Variants in DAB1 observed in about 807,000 individuals in gnomAD.
DAB1 encodes the protein disabled homolog 1.
In DAB1, 15 loss-of-function variants were observed where a neutral mutation model predicts 64.6. The observed-to-expected ratio is 0.23, with a 90% CI of 0.16 to 0.36. The LOEUF is 0.36. Among genes scored for constraint, DAB1 ranks in the 10% least tolerant of loss-of-function variants. The pLI is 1.00. For missense variants in DAB1, 596 were observed against 706.7 expected (o/e 0.84, Z 1.78); for synonymous variants, 235 against 251.9 (o/e 0.93, Z 0.64).
chr1:57,997,224 G>A (rs1457621038), intron 5 of DAB1, among the ~76,000 whole-genome samples: 2 of 152,100 alleles, frequency 1.3e-5, no homozygotes, highest in Non-Finnish European at 2.9e-5. Flanking sequence ...ATGAACACTC[G>A]ACTGGTAAGG....
intron 3 of DAB1, among the ~76,000 whole-genome samples, chr1:58,357,896 C>T (rs1644126613): frequency 6.6e-6 from 1 of 152,168 alleles, no homozygotes; most frequent in South Asian, 2.1e-4. Flanking sequence ...TCCTCCCTGC[C>T]TTCCTCCACC....
chr1:58,049,183 A>C (rs1484001815), intron 5 of DAB1: 21 of 769,822 alleles, frequency 2.7e-5, no homozygotes, highest in Non-Finnish European at 4.7e-5. Flanking sequence ...AGCGTTCCCT[A>C]TTGCTCAAAA....
At chr1:57,239,562 T>A (rs17557037) in intron 2 of DAB1, among the ~76,000 whole-genome samples, 3,538 of 152,290 alleles carry the variant, frequency 0.023, 63 homozygotes, top group Non-Finnish European at 0.038. Context: ...ATAGCCGGCC[T>A]TTCACATTCC....
chr1:57,715,761 A>G (rs188182981), intron 6 of DAB1, among the ~76,000 whole-genome samples: 4 of 152,276 alleles, frequency 2.6e-5, no homozygotes, highest in Admixed American at 2.6e-4. Context: ...TTAAAACTAT[A>G]AAATCATGAA....
intron 3 of DAB1, among the ~76,000 whole-genome samples, chr1:58,491,814 T>C (rs1166315044): frequency 2.0e-5 from 3 of 151,704 alleles, no homozygotes; most frequent in Admixed American, 1.3e-4. Flanking sequence ...ACAATAATAA[T>C]GGGAGACTTT....
intron 5 of DAB1, among the ~76,000 whole-genome samples, chr1:58,072,074 T>G: frequency 1.3e-5 from 1 of 79,654 alleles, no homozygotes; most frequent in Non-Finnish European, 2.8e-5. Context: ...TAGCAAACAT[T>G]ATTGGTGGGG....
chr1:58,158,771 G>A (rs1655355740), intron 4 of DAB1, among the ~76,000 whole-genome samples: 1 of 146,106 alleles, frequency 6.8e-6, no homozygotes, highest in South Asian at 2.3e-4. Flanking sequence ...GCAAGGCCTG[G>A]AGAAAGCAGC....
intron 5 of DAB1, among the ~76,000 whole-genome samples, chr1:57,899,697 A>G (rs1423077533): frequency 1.5e-5 from 2 of 133,834 alleles, no homozygotes; most frequent in Non-Finnish European, 3.0e-5. Context: ...TGAATGGTAG[A>G]AAAAAAAAAA....
chr1:57,760,815 G>C (rs1649052487), intron 6 of DAB1, among the ~76,000 whole-genome samples: 1 of 152,098 alleles, frequency 6.6e-6, no homozygotes, highest in Non-Finnish European at 1.5e-5. Flanking sequence ...TGACAGTGAA[G>C]TACAGGAAAG....
chr1:57,437,136 G>T (rs1685726809), intron 7 of DAB1, among the ~76,000 whole-genome samples: 3 of 152,004 alleles, frequency 2.0e-5, no homozygotes, highest in Admixed American at 2.0e-4. Context: ...AGCTTCAGAT[G>T]GTGAAAGTGA....
chr1:57,624,447 G>T (rs551738266), intron 7 of DAB1, among the ~76,000 whole-genome samples: 1 of 152,318 alleles, frequency 6.6e-6, no homozygotes, highest in East Asian at 1.9e-4. Flanking sequence ...ATGAGACAAG[G>T]AGTGTGTTTA....
chr1:57,413,345 G>A (rs1330703670), intron 1 of DAB1, among the ~76,000 whole-genome samples: 1 of 152,126 alleles, frequency 6.6e-6, no homozygotes, highest in South Asian at 2.1e-4. Flanking sequence ...TGACTTTCAA[G>A]TCTTATTATT....
At chr1:57,522,338 C>T (rs1644537551) in intron 7 of DAB1, among the ~76,000 whole-genome samples, 1 of 152,240 alleles carries the variant, frequency 6.6e-6, no homozygotes, top group African/African-American at 2.4e-5. Context: ...GCTCCAGAAA[C>T]CCTAAACTTG....
intron 5 of DAB1, chr1:58,048,491 C>A: frequency 7.7e-7 from 1 of 1,304,498 alleles, no homozygotes; most frequent in East Asian, 2.3e-5. Flanking sequence ...TCCACCACTT[C>A]CATAGCCTCT....
chr1:58,127,318 C>G (rs796771225), intron 5 of DAB1, among the ~76,000 whole-genome samples: 1,998 of 151,210 alleles, frequency 0.013, 52 homozygotes, highest in South Asian at 0.083. Flanking sequence ...TTGTTTTTTT[C>G]CTGCAAATTT....
chr1:58,417,174 C>G (rs1325800892), intron 3 of DAB1, among the ~76,000 whole-genome samples: 5 of 152,150 alleles, frequency 3.3e-5, no homozygotes, highest in Non-Finnish European at 7.4e-5. Flanking sequence ...CTCACAGATA[C>G]TGGTTGGGAG....
At chr1:58,358,258 C>G (rs1644130224) in intron 3 of DAB1, among the ~76,000 whole-genome samples, 1 of 152,130 alleles carries the variant, frequency 6.6e-6, no homozygotes, top group African/African-American at 2.4e-5. Context: ...TAGAAATTCA[C>G]CCATTGTCCA....
intron 7 of DAB1, among the ~76,000 whole-genome samples, chr1:57,544,350 G>A (rs1644834025): frequency 6.6e-6 from 1 of 152,148 alleles, no homozygotes. Flanking sequence ...TTTAGCTTGT[G>A]TAATTTGTTA....
intron 4 of DAB1, among the ~76,000 whole-genome samples, chr1:58,280,209 T>G (rs1157075076): frequency 6.6e-6 from 1 of 152,004 alleles, no homozygotes; most frequent in African/African-American, 2.4e-5. Context: ...CTGTGAGGAG[T>G]CATCCATGTC....
Sources: gnomAD v4.1 joint callset for allele counts (sites outside exome capture counted in the v4.1 genomes callset) on GRCh38, gnomAD v4.1.1 for gene constraint, MANE v1.5 for transcripts, NCBI Gene and HGNC (gene_info 2026-07-23, HGNC 2026-07-21) for gene names.